The following KATNAL2 variants were observed in gnomAD, a reference collection of about 807,000 sequenced individuals.
KATNAL2 encodes the protein katanin p60 ATPase-containing subunit A-like 2.
Under a neutral mutation model 76.3 loss-of-function variants are expected in KATNAL2, and 52 were observed. That is an observed-to-expected ratio of 0.68 (90% confidence interval 0.55 to 0.86). KATNAL2 has a LOEUF of 0.86. Among genes scored for constraint, KATNAL2 ranks in the 40% least tolerant of loss-of-function variants. KATNAL2 has a pLI of 0.00. For missense variants in KATNAL2, 660 were observed against 668.9 expected, an observed-to-expected ratio of 0.99 and a Z score of 0.15; for synonymous variants, 243 against 244.2, an observed-to-expected ratio of 1.00 and a Z score of 0.05.
intron 7 of KATNAL2, 36 bp downstream of exon 7, chr18:47,058,388 A>G (rs563753942): frequency 4.9e-6 from 6 of 1,214,984 alleles, no homozygotes; most frequent in South Asian, 1.3e-5. Context: ...TGAACAGCAC[A>G]CTTGGCTGAA....
rs140410967 is a variant in KATNAL2, at chr18:47,062,468, C to T, written c.550-504C>T. Among the ~76,000 whole-genome samples the T allele has an allele frequency of 3.5e-4, 53 of 151,492 alleles. 1 individual carries two copies. The highest frequency in any genetic ancestry group is 1.3e-3 in the African/African-American group (52 of 41,390). On this transcript the variant is annotated intron_variant, in intron 8 of 17. Transcript: ENST00000683218. ...TTGTTGGTGGAAATTAAATTAATTA[C>T]ACTTATACCCAATAAATTTATACAA... is the stretch of plus-strand genomic sequence containing the variant.
At chr18:47,056,805 G>GAC (rs1186782891) in intron 6 of KATNAL2, among the ~76,000 whole-genome samples, 6 of 145,506 alleles carry the variant, frequency 4.1e-5, no homozygotes, top group African/African-American at 1.0e-4. Context: ...TTTAAATACA[G>GAC]ACACACACAC....
intron 3 of KATNAL2, among the ~76,000 whole-genome samples, chr18:46,951,700 A>G (rs947212151): frequency 1.3e-5 from 2 of 152,058 alleles, no homozygotes; most frequent in East Asian, 3.9e-4. Flanking sequence ...TCTCACCTTG[A>G]TTGGTGATTT....
intron 1 of KATNAL2, among the ~76,000 whole-genome samples, chr18:46,933,645 T>G (rs967469884): frequency 1.3e-5 from 2 of 152,106 alleles, no homozygotes; most frequent in African/African-American, 4.8e-5. Flanking sequence ...TTTTAAAATT[T>G]TATTATTATT....
chr18:46,926,340 T>G (rs376450093), intron 1 of KATNAL2, among the ~76,000 whole-genome samples: 2 of 152,170 alleles, frequency 1.3e-5, no homozygotes, highest in Non-Finnish European at 2.9e-5. Context: ...ATTTTGTTAT[T>G]TACCCAGTAG....
intron 4 of KATNAL2, among the ~76,000 whole-genome samples, chr18:47,048,296 TA>T (rs2061227049): frequency 6.6e-6 from 1 of 152,164 alleles, no homozygotes. Flanking sequence ...CTACTGGAAC[TA>T]AAAGTCGGTT....
chr18:46,919,951 G>T, intron 1 of KATNAL2: 1 of 665,546 alleles, frequency 1.5e-6, no homozygotes, highest in Non-Finnish European at 2.4e-6. Context: ...GGGAATAGAC[G>T]AATAGAGTAC....
chr18:46,943,376 A>T (rs1033179697), intron 1 of KATNAL2, among the ~76,000 whole-genome samples: 1 of 152,184 alleles, frequency 6.6e-6, no homozygotes, highest in Admixed American at 6.6e-5. Flanking sequence ...ACAGGATGAG[A>T]TAGGAGGTCA....
At position 46,917,668 on chromosome 18, in the gene KATNAL2, C is replaced by T. The variant is rs374096853; in HGVS notation, c.-768C>T. On this transcript the variant is annotated 5_prime_UTR_variant, in exon 1 of 18. Coordinates refer to ENST00000683218, the MANE Select transcript of KATNAL2 (RefSeq NM_001387690.1). ...TGCTGCCCCGCGGCTTGGCCCCGCT[C>T]GGCCCCAGGTCGTGCCTTCCCTCCC... 9.8e-5 allele frequency: 60 copies of T among 615,340 alleles called. No individual in the cohort carries two copies. The highest frequency in any genetic ancestry group is 2.2e-4 in the South Asian group (3 of 13,886). The allele number at this position is 615,340 out of a possible 1,614,324, so 38.1% of individuals were successfully genotyped here.
intron 3 of KATNAL2, among the ~76,000 whole-genome samples, chr18:46,953,558 C>G (rs1447849573): frequency 6.6e-6 from 1 of 152,102 alleles, no homozygotes; most frequent in African/African-American, 2.4e-5. Flanking sequence ...GAGTTTGAGA[C>G]CAGCGTGGGC....
chr18:46,919,991 C>T, intron 1 of KATNAL2: 1 of 1,073,054 alleles, frequency 9.3e-7, no homozygotes, highest in Non-Finnish European at 1.3e-6. Flanking sequence ...GGAGCTTACA[C>T]CCATAAAGAG....
At chr18:46,947,581 G>A (rs2059419612) in intron 3 of KATNAL2, among the ~76,000 whole-genome samples, 1 of 152,240 alleles carries the variant, frequency 6.6e-6, no homozygotes, top group South Asian at 2.1e-4. Flanking sequence ...ACAACGTGGG[G>A]GCGGGGGGAA....
At chr18:47,073,423 T>C (rs2062075773) in intron 13 of KATNAL2, among the ~76,000 whole-genome samples, 1 of 152,242 alleles carries the variant, frequency 6.6e-6, no homozygotes, top group Admixed American at 6.5e-5. Context: ...ACTCGTCTCA[T>C]TTCCTTTCAG....
At chr18:46,957,317 G>A (rs1368609598) in intron 3 of KATNAL2, among the ~76,000 whole-genome samples, 35 of 148,224 alleles carry the variant, frequency 2.4e-4, no homozygotes, top group Admixed American at 1.5e-3. Flanking sequence ...GCAGTGGCGC[G>A]GTCTCGGCTC....
chr18:47,033,062 C>G lies in KATNAL2; in HGVS notation c.52-13395C>G, dbSNP rs151143404. 1.4e-4 allele frequency: 220 copies of G among 1,614,044 alleles called. No individual in the cohort carries two copies. Among genetic ancestry groups the G allele is most frequent in the Middle Eastern group, 1.2e-3 (7 of 6,002 alleles). On this transcript the variant is annotated intron_variant, in intron 3 of 17. Transcript: ENST00000683218. ...ATTGCCTTGGCCATCAGCGGGGCCA[C>G]TTTCTTGGCAGCCTGTTTCCGGGTT...
rs754569498 is a variant in KATNAL2, at chr18:47,099,372, G to A, written c.1341G>A (p.Leu447=). 1 of 1,613,840 alleles carries A rather than the reference G, an allele frequency of 6.2e-7. No individual in the cohort carries two copies. Among genetic ancestry groups the A allele is most frequent in the Non-Finnish European group, 8.5e-7 (1 of 1,179,852 alleles). ...PPVSKSRALE[L]HTELEYSVLS... Reference sequence around the variant, plus strand: ...TGAGCAAGAGCAGGGCCTTGGAGCTGCACACAGAGCTGGAGTACAGTGTGC... The same window carrying A: ...TGAGCAAGAGCAGGGCCTTGGAGCTACACACAGAGCTGGAGTACAGTGTGC... The change falls in exon 16 of 18, where the codon CTG becomes CTA. Residue 447 remains leucine (L), a synonymous_variant. Transcript: ENST00000683218.
chr18:47,057,731 C>A (rs1450972134), intron 6 of KATNAL2, among the ~76,000 whole-genome samples: 1 of 152,202 alleles, frequency 6.6e-6, no homozygotes, highest in Non-Finnish European at 1.5e-5. Context: ...ATGTTTATTA[C>A]TCATAACATG....
chr18:47,031,404 T>A lies in KATNAL2; in HGVS notation c.52-15053T>A, dbSNP rs547142586. The stretch of plus-strand genomic sequence containing the variant: ...ATTTTTAATTTCTCGTGTGACTTTT[T>A]TTGTGTCTCTCTGTCTTTCTTTTTG... On this transcript the variant is annotated intron_variant, in intron 3 of 17. Transcript: ENST00000683218. 1.3e-4 allele frequency among the ~76,000 whole-genome samples: 20 copies of A among 152,244 alleles called. No individual in the cohort carries two copies. The South Asian group carries it at 3.9e-3, about 30-fold the overall frequency.
chr18:46,938,202 G>T (rs1486131830), intron 1 of KATNAL2, among the ~76,000 whole-genome samples: 1 of 152,140 alleles, frequency 6.6e-6, no homozygotes, highest in Non-Finnish European at 1.5e-5. Context: ...AAAAGGTCAA[G>T]TTGGAAAAAG....
Sources: gnomAD v4.1 joint callset for allele counts (sites outside exome capture counted in the v4.1 genomes callset) on GRCh38, gnomAD v4.1.1 for gene constraint, MANE v1.5 for transcripts, NCBI Gene and HGNC (gene_info 2026-07-23, HGNC 2026-07-21) for gene names.